Variants in SMAD5 observed in about 807,000 individuals in gnomAD.
The protein encoded by SMAD5 is MAD, mothers against decapentaplegic homolog 5.
Under a neutral mutation model 43.1 loss-of-function variants are expected in SMAD5, and 9 were observed. The observed-to-expected ratio is 0.21, with a 90% confidence interval of 0.13 to 0.36. SMAD5 has a LOEUF of 0.36. Among genes scored for constraint, SMAD5 ranks in the 10% least tolerant of loss-of-function variants. The probability of loss-of-function intolerance (pLI) is 1.00; values close to 1 mark genes in which losing one functional copy is unlikely to be tolerated. For missense variants in SMAD5, 348 were observed against 574.0 expected (o/e 0.61, Z 4.02); for synonymous variants, 190 against 192.4 (o/e 0.99, Z 0.10).
chr5:136,165,343 T>TA (rs1753958992), intron 5 of SMAD5, among the ~76,000 whole-genome samples: 2 of 152,014 alleles, frequency 1.3e-5, no homozygotes, highest in South Asian at 4.1e-4. Flanking sequence ...GATGGAGTCT[T>TA]ACAGTGTTGC....
At chr5:136,174,746 T>C in intron 7 of SMAD5, 114 bp downstream of exon 7, 2 of 681,324 alleles carry the variant, frequency 2.9e-6, no homozygotes, top group East Asian at 5.3e-5. Flanking sequence ...TTGGCCTGAT[T>C]TAACAGGTTT....
rs1264266090 is a variant in SMAD5 at position 136,178,127 on chromosome 5, A to T, written c.*647A>T. 1.3e-5 allele frequency: 2 copies of T among 152,668 alleles called. No individual in the cohort carries two copies. The allele number at this position is 152,668 out of a possible 1,614,324, so 9.5% of individuals were successfully genotyped here. ...TCAGTGTAATGTGACTTCATGCTAT[A>T]TATCTTTTGTAAGACATTTCCTTTT... is the stretch of plus-strand genomic sequence containing the variant. On this transcript the variant is annotated 3_prime_UTR_variant, in exon 8 of 8. Coordinates refer to ENST00000545279, the MANE Select transcript of SMAD5 (RefSeq NM_005903.7).
intron 5 of SMAD5, among the ~76,000 whole-genome samples, chr5:136,169,160 A>G (rs371387596): frequency 6.6e-6 from 1 of 152,186 alleles, no homozygotes; most frequent in East Asian, 1.9e-4. Flanking sequence ...CCACTAGTCT[A>G]AGTCCAAGAG....
chr5:136,169,703 T>G (rs567729443), intron 5 of SMAD5, among the ~76,000 whole-genome samples: 1 of 152,326 alleles, frequency 6.6e-6, no homozygotes, highest in South Asian at 2.1e-4. Context: ...CCAAAGTGCC[T>G]TCTAAAATGG....
At chr5:136,163,153 T>A in intron 4 of SMAD5, 119 bp from the exon 5 acceptor site, 1 of 787,070 alleles carries the variant, frequency 1.3e-6, no homozygotes, top group Non-Finnish European at 1.9e-6. Context: ...ATCCTACATT[T>A]TTTTGTGTGT....
Position 136,178,159 on chromosome 5 carries a change from A to G in SMAD5, c.*679A>G, listed in dbSNP as rs930285822. On this transcript the variant is annotated 3_prime_UTR_variant, in exon 8 of 8. Coordinates refer to ENST00000545279, the MANE Select transcript of SMAD5 (RefSeq NM_005903.7). ...TTGTAAGACATTTCCTTTTTTAAAAAAATTTTTGCAAATAACTGATCTCAA... is the reference window on the plus strand; with the variant it reads ...TTGTAAGACATTTCCTTTTTTAAAAGAATTTTTGCAAATAACTGATCTCAA... The G allele has an allele frequency of 6.6e-6, 1 of 152,644 alleles. No homozygotes were observed. Among genetic ancestry groups the G allele is most frequent in the African/African-American group, 2.4e-5 (1 of 41,456 alleles). The allele number at this position is 152,644 out of a possible 1,614,324, so 9.5% of individuals were successfully genotyped here.
rs1157104973 is a variant in SMAD5 at position 136,182,258 on chromosome 5, T to G, written c.*4778T>G. 6.6e-6 allele frequency: 1 copy of G among 151,158 alleles called. No homozygotes were observed. The highest frequency in any genetic ancestry group is 1.5e-5 in the Non-Finnish European group (1 of 67,842). 9.4% of individuals were successfully genotyped at this position (151,158 alleles called of 1,614,324 possible). A position where few individuals can be genotyped will look rare whatever the true frequency, so the allele number is the denominator to read the frequency against. On this transcript the variant is annotated 3_prime_UTR_variant, in exon 8 of 8. Transcript: ENST00000545279. ...GAAAAAAAAAAAAAATCTTTTAGGG[T>G]CAGATTTTCCCTTCTAATATCATTG...
At chr5:136,136,428 C>G (rs1487313220) in intron 1 of SMAD5, among the ~76,000 whole-genome samples, 1 of 152,148 alleles carries the variant, frequency 6.6e-6, no homozygotes, top group Non-Finnish European at 1.5e-5. Context: ...TTTTCCACTT[C>G]TGAAGTTAAT....
Position 136,174,616 on chromosome 5 carries a change from G to A in SMAD5, c.1238G>A (p.Arg413Gln). 4 of 1,610,418 alleles carry A rather than the reference G, an allele frequency of 2.5e-6. No homozygotes were observed. Among genetic ancestry groups the A allele is most frequent in the Non-Finnish European group, 3.4e-6 (4 of 1,176,804 alleles). ...GAGCTCACCAAAATGTGTACCATTC[G>A]GATGAGTTTTGTCAAGGTGAGTTGT... is the stretch of plus-strand genomic sequence containing the variant. Reference protein sequence around the residue: ...VYELTKMCTIRMSFVKGWGAE... With the variant: ...VYELTKMCTIQMSFVKGWGAE... The change falls in exon 7 of 8, where the codon CGG becomes CAG. Residue 413 changes from arginine to glutamine, a missense_variant. Around this residue, in one of 5 missense-constraint regions of SMAD5, gnomAD observed 97 missense variants for 211.8 expected, o/e 0.46. Transcript: ENST00000545279.
chr5:136,140,260 T>G (rs1237281064), intron 1 of SMAD5, among the ~76,000 whole-genome samples: 1 of 152,132 alleles, frequency 6.6e-6, no homozygotes, highest in Non-Finnish European at 1.5e-5. Flanking sequence ...TGACCTCAGG[T>G]AATTTGCCCA....
At chr5:136,140,601 ACT>A (rs1217290523) in intron 1 of SMAD5, among the ~76,000 whole-genome samples, 1 of 150,720 alleles carries the variant, frequency 6.6e-6, no homozygotes, top group East Asian at 2.0e-4. Context: ...CTGTTGGCTC[ACT>A]CTTTTATTTC....
intron 7 of SMAD5, among the ~76,000 whole-genome samples, chr5:136,176,154 G>A (rs749133108): frequency 3.3e-5 from 5 of 150,540 alleles, no homozygotes; most frequent in East Asian, 1.9e-4. Context: ...AAAATTTTTC[G>A]TTAAAAAAAA....
At chr5:136,146,613 G>A (rs1484545698) in intron 1 of SMAD5, among the ~76,000 whole-genome samples, 1 of 151,566 alleles carries the variant, frequency 6.6e-6, no homozygotes, top group African/African-American at 2.4e-5. Context: ...ACTTATGTGA[G>A]GATACTAAAG....
At position 136,177,549 on chromosome 5, in the gene SMAD5, G is replaced by A. The variant is rs1040064127; in HGVS notation, c.*69G>A. The A allele has an allele frequency of 2.6e-6, 3 of 1,171,524 alleles. No homozygotes were observed. Among genetic ancestry groups the A allele is most frequent in the Non-Finnish European group, 3.6e-6 (3 of 825,802 alleles). 72.6% of individuals were successfully genotyped at this position (1,171,524 alleles called of 1,614,324 possible). On this transcript the variant is annotated 3_prime_UTR_variant, in exon 8 of 8. Coordinates refer to ENST00000545279, the MANE Select transcript of SMAD5 (RefSeq NM_005903.7). The stretch of plus-strand genomic sequence containing the variant: ...TAATTTTAGAGAAACTTTGAGTACA[G>A]ATACTGTGAGCTTACATTGAAAACA...
intron 5 of SMAD5, among the ~76,000 whole-genome samples, chr5:136,168,575 G>T (rs955832780): frequency 6.6e-6 from 1 of 152,128 alleles, no homozygotes; most frequent in African/African-American, 2.4e-5. Context: ...TAGTCAGTGA[G>T]CTTCCATTGA....
In SMAD5 at chr5:136,179,654, TAAATG is replaced by T. The variant is rs1754553134; in HGVS notation, c.*2175_*2179del. 1 of 151,732 alleles carries T rather than the reference TAAATG, an allele frequency of 6.6e-6. No individual in the cohort carries two copies. The highest frequency in any genetic ancestry group is 2.0e-4 in the East Asian group (1 of 5,106). 9.4% of individuals were successfully genotyped at this position (151,732 alleles called of 1,614,324 possible). A position where few individuals can be genotyped will look rare whatever the true frequency, so the allele number is the denominator to read the frequency against. On this transcript the variant is annotated 3_prime_UTR_variant, in exon 8 of 8. Coordinates refer to ENST00000545279, the MANE Select transcript of SMAD5 (RefSeq NM_005903.7). ...TACTTTCTGACAGTCACCTGAGCCT[TAAATG>T]TAAGTATTACATGACATGCATTCTG...
chr5:136,180,921 G>T lies in SMAD5; in HGVS notation c.*3441G>T, dbSNP rs1580810897. The T allele has an allele frequency of 6.6e-6, 1 of 152,016 alleles. No individual in the cohort carries two copies. Among genetic ancestry groups the T allele is most frequent in the Non-Finnish European group, 1.5e-5 (1 of 67,944 alleles). The allele number at this position is 152,016 out of a possible 1,614,324, so 9.4% of individuals were successfully genotyped here. On this transcript the variant is annotated 3_prime_UTR_variant, in exon 8 of 8. Coordinates refer to ENST00000545279, the MANE Select transcript of SMAD5 (RefSeq NM_005903.7). ...AATCTGTTGTCAAGATTAGAACTGG[G>T]GTTCATGTTAAAAACCTTCCATATT...
At chr5:136,138,520 G>A (rs1262463095) in intron 1 of SMAD5, among the ~76,000 whole-genome samples, 4 of 152,160 alleles carry the variant, frequency 2.6e-5, no homozygotes, top group African/African-American at 9.7e-5. Flanking sequence ...CTCTCTGCGT[G>A]CAGTTGTGAA....
chr5:136,172,111 C>G (rs976212287), intron 5 of SMAD5, among the ~76,000 whole-genome samples: 2 of 152,208 alleles, frequency 1.3e-5, no homozygotes, highest in African/African-American at 4.8e-5. Context: ...GCACCTTGAT[C>G]TTGGACTTCC....
Sources: gnomAD v4.1 joint callset for allele counts (sites outside exome capture counted in the v4.1 genomes callset) on GRCh38, gnomAD v4.1.1 for gene constraint, gnomAD v4.1.1 regional missense constraint, MANE v1.5 for transcripts, NCBI Gene and HGNC (gene_info 2026-07-23, HGNC 2026-07-21) for gene names.